The following NOXRED1 variants were observed in gnomAD, a reference collection of about 807,000 sequenced individuals.
NOXRED1 encodes the protein NADP-dependent oxidoreductase domain-containing protein 1.
Under a neutral mutation model 30.4 loss-of-function variants are expected in NOXRED1, and 20 were observed. The ratio of observed to expected loss-of-function variants is 0.66; its 90% CI spans 0.46 to 0.96. The LOEUF is 0.96. Among genes scored for constraint, NOXRED1 ranks in the 40% least tolerant of loss-of-function variants. The pLI is 0.00. For missense variants in NOXRED1, 374 were observed against 428.0 expected (o/e 0.87, Z 1.11); for synonymous variants, 155 against 168.0 (o/e 0.92, Z 0.60).
chr14:77,418,564 C>G (rs1352335857), intron 1 of NOXRED1, among the ~76,000 whole-genome samples: 11 of 152,062 alleles, frequency 7.2e-5, no homozygotes, highest in Admixed American at 7.2e-4. Context: ...GGGTCTCGCT[C>G]TGTCACCCAG....
At chr14:77,406,258 C>A in intron 4 of NOXRED1, 123 bp from the exon 5 acceptor site, 1 of 657,924 alleles carries the variant, frequency 1.5e-6, no homozygotes, top group South Asian at 1.9e-5. Context: ...TAATATGAAC[C>A]ACAAGATAAG....
At chr14:77,421,516 G>T (rs1894990964) in intron 1 of NOXRED1, among the ~76,000 whole-genome samples, 2 of 152,170 alleles carry the variant, frequency 1.3e-5, no homozygotes, top group African/African-American at 4.8e-5. Context: ...GGCTTTTTAA[G>T]AAGGTTATGA....
At chr14:77,400,012 G>T in intron 5 of NOXRED1, among the ~76,000 whole-genome samples, 1 of 152,104 alleles carries the variant, frequency 6.6e-6, no homozygotes, top group East Asian at 1.9e-4. Context: ...GAAAAACAAA[G>T]ATAAGAAAGC....
chr14:77,415,211 CACACACA>C (rs1322671827), intron 1 of NOXRED1, among the ~76,000 whole-genome samples: 8 of 114,218 alleles, frequency 7.0e-5, no homozygotes, highest in Admixed American at 9.1e-5. Context: ...CACACACACA[CACACACA>C]CCATGAACTT....
At chr14:77,410,954 T>C (rs1176614352) in intron 2 of NOXRED1, among the ~76,000 whole-genome samples, 1 of 152,118 alleles carries the variant, frequency 6.6e-6, no homozygotes, top group East Asian at 1.9e-4. Flanking sequence ...TTTAAAGATA[T>C]ACCTACCACA....
intron 5 of NOXRED1, among the ~76,000 whole-genome samples, chr14:77,400,777 A>G (rs1484421893): frequency 1.3e-5 from 2 of 152,232 alleles, no homozygotes; most frequent in African/African-American, 4.8e-5. Flanking sequence ...TGTCTTTTCT[A>G]TATACCAGCA....
chr14:77,406,656 A>G lies in NOXRED1; in HGVS notation c.682+68T>C, dbSNP rs1482366099. On this transcript the variant is annotated intron_variant, in intron 4 of 5. Transcript: ENST00000380835. Reference sequence around the variant, plus strand: ...ACACAGAGAGAGAGAGATTGATTTAATAAGATAGCAATGGGCCAACAGGAA... The same window carrying G: ...ACACAGAGAGAGAGAGATTGATTTAGTAAGATAGCAATGGGCCAACAGGAA... 8 of 1,385,846 alleles carry G rather than the reference A, an allele frequency of 5.8e-6. No homozygotes were observed. In the South Asian group the frequency reaches 9.3e-5, roughly 16 times the overall value. 85.8% of individuals were successfully genotyped at this position (1,385,846 alleles called of 1,614,324 possible).
chr14:77,422,714 G>C, intron 1 of NOXRED1, 21 bp downstream of exon 1: 2 of 1,611,146 alleles, frequency 1.2e-6, no homozygotes, highest in Non-Finnish European at 8.5e-7. Context: ...CCATCTTCCT[G>C]AATTTGGATA....
At chr14:77,421,665 T>C (rs980642320) in intron 1 of NOXRED1, among the ~76,000 whole-genome samples, 1 of 152,222 alleles carries the variant, frequency 6.6e-6, no homozygotes, top group Admixed American at 6.5e-5. Context: ...AGAGGTTCAC[T>C]TACTGTTGGT....
At chr14:77,396,044 C>T (rs1894168802) in intron 5 of NOXRED1, among the ~76,000 whole-genome samples, 1 of 150,652 alleles carries the variant, frequency 6.6e-6, no homozygotes. Context: ...TAGTGAGACC[C>T]TGTCTGTTAA....
chr14:77,403,655 A>C (rs1183074631), intron 5 of NOXRED1, among the ~76,000 whole-genome samples: 1 of 152,096 alleles, frequency 6.6e-6, no homozygotes, highest in Non-Finnish European at 1.5e-5. Flanking sequence ...AAGACCCTCT[A>C]TCAAAAAAAT....
In NOXRED1 at chr14:77,406,107, C is replaced by T. The variant is rs1455165246; in HGVS notation, c.711G>A (p.Leu237=). ...AGGIILNIKW[L]EGVFYAALNI... is the part of the protein sequence containing the mutation. ...TTAGGGCCGCATAGAACACTCCCTC[C>T]AACCACTTGATATTGAGGATTATTC... Residue 237 remains leucine, a synonymous_variant, in exon 5 of 6, where the codon TTG becomes TTA. Transcript: ENST00000380835. 9 of 1,613,206 alleles carry T rather than the reference C, an allele frequency of 5.6e-6. No homozygotes were observed. In the South Asian group the frequency reaches 9.9e-5, roughly 18 times the overall value.
Position 77,394,589 on chromosome 14 carries a change from G to C in NOXRED1, c.*42C>G, listed in dbSNP as rs1894130556. On this transcript the variant is annotated 3_prime_UTR_variant, in exon 6 of 6. Coordinates refer to ENST00000380835, the MANE Select transcript of NOXRED1 (RefSeq NM_001113475.3). ...ATAATCAGGGCACAACTATTATAGG[G>C]AAAATCTGTGAGTGGGAAAAAATCC... 6.6e-7 allele frequency: 1 copy of C among 1,510,474 alleles called. No homozygotes were observed. Among genetic ancestry groups the C allele is most frequent in the Non-Finnish European group, 9.2e-7 (1 of 1,091,382 alleles). 93.6% of individuals were successfully genotyped at this position (1,510,474 alleles called of 1,614,324 possible). A position where few individuals can be genotyped will look rare whatever the true frequency, so the allele number is the denominator to read the frequency against.
In NOXRED1 at chr14:77,422,985, G is replaced by A; in HGVS notation, c.-96C>T. 1 of 998,894 alleles carries A rather than the reference G, an allele frequency of 1.0e-6. No individual in the cohort carries two copies. The highest frequency in any genetic ancestry group is 1.5e-6 in the Non-Finnish European group (1 of 662,290). The allele number at this position is 998,894 out of a possible 1,614,324, so 61.9% of individuals were successfully genotyped here. A position where few individuals can be genotyped will look rare whatever the true frequency, so the allele number is the denominator to read the frequency against. ...CTATGTAGGAGGTGTGTGTATGATGGTGTGTGTGCCCAGGTCACAAGCACT... is the reference window on the plus strand; with the variant it reads ...CTATGTAGGAGGTGTGTGTATGATGATGTGTGTGCCCAGGTCACAAGCACT... On this transcript the variant is annotated 5_prime_UTR_variant, in exon 1 of 6. Transcript: ENST00000380835.
upstream of NOXRED1, among the ~76,000 whole-genome samples, chr14:77,424,797 A>G (rs755024292): frequency 2.0e-5 from 3 of 152,172 alleles, no homozygotes; most frequent in Non-Finnish European, 2.9e-5. Flanking sequence ...CCTTCCCTGT[A>G]TGTTTCCAGT....
upstream of NOXRED1, among the ~76,000 whole-genome samples, chr14:77,425,025 A>G (rs1895090711): frequency 6.6e-6 from 1 of 152,180 alleles, no homozygotes; most frequent in African/African-American, 2.4e-5. Flanking sequence ...CTCCTGGGCC[A>G]GGTGTTTTTC....
chr14:77,418,252 A>G (rs146921028), intron 1 of NOXRED1, among the ~76,000 whole-genome samples: 1 of 152,162 alleles, frequency 6.6e-6, no homozygotes, highest in Non-Finnish European at 1.5e-5. Flanking sequence ...CTCCCGCCTC[A>G]GCCTCCCAGG....
At chr14:77,416,731 C>A (rs1298265552) in intron 1 of NOXRED1, among the ~76,000 whole-genome samples, 1 of 152,098 alleles carries the variant, frequency 6.6e-6, no homozygotes, top group Non-Finnish European at 1.5e-5. Flanking sequence ...ACCTCCCAGA[C>A]GGGGTGGTGG....
At chr14:77,403,912 T>C (rs941226724) in intron 5 of NOXRED1, among the ~76,000 whole-genome samples, 7 of 152,130 alleles carry the variant, frequency 4.6e-5, no homozygotes, top group African/African-American at 1.7e-4. Context: ...AATTCTCCCA[T>C]CCAAGTACTA....
Sources: allele counts gnomAD v4.1 joint callset (sites outside exome capture counted in the v4.1 genomes callset), GRCh38; gene constraint gnomAD v4.1.1; transcripts MANE v1.5; gene names NCBI Gene and HGNC (gene_info 2026-07-23, HGNC 2026-07-21).